PIK3R5: variants seen among roughly 807,000 people sequenced by gnomAD.
PIK3R5 encodes phosphoinositide-3-kinase regulatory subunit 5.
PIK3R5 carries 32 observed loss-of-function variants against 94.9 expected under a neutral mutation model. That is an observed-to-expected ratio of 0.34 (90% confidence interval 0.25 to 0.45). PIK3R5 has a LOEUF of 0.45. Ranked by LOEUF, PIK3R5 falls within the 20% of genes least tolerant of loss-of-function variation. PIK3R5 has a pLI of 1.00. For missense variants in PIK3R5, 853 were observed against 1,144.6 expected (o/e 0.75, Z 3.68); for synonymous variants, 443 against 479.4 (o/e 0.92, Z 0.99).
chr17:8,942,691 C>T lies in PIK3R5; in HGVS notation c.-14+22905G>A, dbSNP rs201431788. Among the ~76,000 whole-genome samples the T allele has an allele frequency of 3.2e-4, 49 of 151,624 alleles. No homozygotes were observed. In the East Asian group the frequency reaches 3.3e-3, roughly 10 times the overall value. On this transcript the variant is annotated intron_variant, in intron 1 of 18. Transcript: ENST00000447110. ...TGCGATCTCTGCTCACTGCAAGCTC[C>T]GCCTCCCGGGTTCACGCCATTCTCC...
chr17:8,928,861 C>T (rs1041510321), intron 1 of PIK3R5, among the ~76,000 whole-genome samples: 1 of 152,132 alleles, frequency 6.6e-6, no homozygotes, highest in African/African-American at 2.4e-5. Flanking sequence ...AATAGATTTT[C>T]CTTCTCCTCT....
At chr17:8,922,872 G>A (rs781652888) in intron 1 of PIK3R5, among the ~76,000 whole-genome samples, 1 of 152,120 alleles carries the variant, frequency 6.6e-6, no homozygotes, top group African/African-American at 2.4e-5. Flanking sequence ...TCCAGGGAAG[G>A]CAGAAGATGA....
At chr17:8,958,742 CT>C (rs1246769375) in intron 1 of PIK3R5, among the ~76,000 whole-genome samples, 5 of 150,246 alleles carry the variant, frequency 3.3e-5, no homozygotes, top group South Asian at 2.1e-4. Flanking sequence ...CCACAGACAC[CT>C]TTTTTTTTCT....
At position 8,890,533 on chromosome 17, in the gene PIK3R5, C is replaced by A. The variant is rs911003973; in HGVS notation, c.657+205G>T. Among the ~76,000 whole-genome samples the A allele has an allele frequency of 6.6e-6, 1 of 152,248 alleles. No individual in the cohort carries two copies. The highest frequency in any genetic ancestry group is 1.5e-5 in the Non-Finnish European group (1 of 68,036). The stretch of plus-strand genomic sequence containing the variant: ...CACCAGTTATCAGCACCCAGTCCTA[C>A]TGCCCAGGCTGCCACCCAGCTGGTT... On this transcript the variant is annotated intron_variant, in intron 7 of 18. Coordinates refer to ENST00000447110, the MANE Select transcript of PIK3R5 (RefSeq NM_001142633.3). The surrounding 1 kb of genome is among the most constrained non-coding windows in gnomAD (Gnocchi z 6.1).
At chr17:8,886,713 T>G in intron 12 of PIK3R5, 108 bp from the exon 13 acceptor site, 1 of 1,274,416 alleles carries the variant, frequency 7.8e-7, no homozygotes, top group Non-Finnish European at 1.1e-6. Flanking sequence ...AGGCAGCCAG[T>G]CAGGGGGAGC....
chr17:8,905,473 C>T (rs933931398), intron 4 of PIK3R5, among the ~76,000 whole-genome samples, 196 bp downstream of exon 4: 18 of 152,084 alleles, frequency 1.2e-4, no homozygotes, highest in Admixed American at 1.2e-3. Context: ...GGCACCATGG[C>T]GGCCACATGG....
rs1318913043 is a variant in PIK3R5 at position 8,952,707 on chromosome 17, AT to A, written c.-14+12888del. On this transcript the variant is annotated intron_variant, in intron 1 of 18. Transcript: ENST00000447110. The stretch of plus-strand genomic sequence containing the variant: ...AATAAATTATGGGCATTATTACAAA[AT>A]TTTTTCTCCTTAAACAAGGTCAGAT... 3.3e-5 allele frequency among the ~76,000 whole-genome samples: 5 copies of A among 152,194 alleles called. No individual in the cohort carries two copies. The East Asian group carries it at 5.8e-4, about 18-fold the overall frequency.
In PIK3R5 at chr17:8,888,683, C is replaced by A. The variant is rs761030475; in HGVS notation, c.1104G>T (p.Gly368=). Residue 368 remains glycine (G), a synonymous_variant, in exon 10 of 19, where the codon GGG becomes GGT. Coordinates refer to ENST00000447110, the MANE Select transcript of PIK3R5 (RefSeq NM_001142633.3). The surrounding 1 kb of genome is among the most constrained non-coding windows in gnomAD (Gnocchi z 7.8). ...TLSLASSQAS[G]PALSRHLLTS... is the part of the protein sequence containing the mutation. The stretch of plus-strand genomic sequence containing the variant: ...TCAGCAGATGGCGCGAGAGGGCCGG[C>A]CCCGAGGCCTGGGAGGATGCAAGGG... 1 of 1,613,804 alleles carries A rather than the reference C, an allele frequency of 6.2e-7. No individual in the cohort carries two copies. Among genetic ancestry groups the A allele is most frequent in the Non-Finnish European group, 8.5e-7 (1 of 1,180,028 alleles).
chr17:8,920,618 G>C (rs1480248152), intron 1 of PIK3R5, among the ~76,000 whole-genome samples: 1 of 152,134 alleles, frequency 6.6e-6, no homozygotes, highest in Non-Finnish European at 1.5e-5. Context: ...AGAGTTATTG[G>C]TCTGTTCAGG....
At chr17:8,959,419 CTGTG>C (rs34656716) in intron 1 of PIK3R5, among the ~76,000 whole-genome samples, 34 of 150,602 alleles carry the variant, frequency 2.3e-4, no homozygotes, top group East Asian at 2.1e-3. Flanking sequence ...GCGAGAGAGA[CTGTG>C]TGTGTGTGTG....
chr17:8,880,395 CCTTCTA>C lies in PIK3R5; in HGVS notation c.*238_*243del. On this transcript the variant is annotated 3_prime_UTR_variant, in exon 19 of 19. Transcript: ENST00000447110. Reference sequence around the variant, plus strand: ...CAGAGGTCAATTTACCCATCCTTCTCCTTCTACTGCCAGGAATCTAAGAGGCTATGG... The same window carrying C: ...CAGAGGTCAATTTACCCATCCTTCTCCTGCCAGGAATCTAAGAGGCTATGG... 2.4e-6 allele frequency: 1 copy of C among 419,220 alleles called. No individual in the cohort carries two copies. The allele number at this position is 419,220 out of a possible 1,614,324, so 26.0% of individuals were successfully genotyped here. A position where few individuals can be genotyped will look rare whatever the true frequency, so the allele number is the denominator to read the frequency against.
rs781227561 is a variant in PIK3R5, at chr17:8,911,539, C to G, written c.-13-32G>C. On this transcript the variant is annotated intron_variant, in intron 1 of 18. Transcript: ENST00000447110. The surrounding 1 kb of genome is among the most constrained non-coding windows in gnomAD (Gnocchi z 5.3). ...GGGGGACAGACGCCGGTCAGCTTGT[C>G]GAGCTCCTTTCCCAGAGAGCACCTG... is the stretch of plus-strand genomic sequence containing the variant. The G allele has an allele frequency of 5.5e-6, 8 of 1,448,242 alleles. No homozygotes were observed. The South Asian group carries it at 8.2e-5, about 15-fold the overall frequency. 89.7% of individuals were successfully genotyped at this position (1,448,242 alleles called of 1,614,324 possible).
intron 5 of PIK3R5, among the ~76,000 whole-genome samples, chr17:8,901,628 T>C (rs1329935369): frequency 6.6e-6 from 1 of 152,198 alleles, no homozygotes; most frequent in Non-Finnish European, 1.5e-5. Flanking sequence ...AATTAAACGC[T>C]GCCAGTACTA....
At chr17:8,921,138 G>T (rs9652823) in intron 1 of PIK3R5, among the ~76,000 whole-genome samples, 5,986 of 152,154 alleles carry the variant, frequency 0.039, 175 homozygotes, top group Non-Finnish European at 0.055. Context: ...ACTGCACCCG[G>T]CCTGTATTAA....
chr17:8,889,118 A>AG lies in PIK3R5; in HGVS notation c.895+20_895+21insC, dbSNP rs2089959188. The AG allele has an allele frequency of 1.2e-6, 2 of 1,608,906 alleles. No homozygotes were observed. Among genetic ancestry groups the AG allele is most frequent in the South Asian group, 2.2e-5 (2 of 90,570 alleles). On this transcript the variant is annotated intron_variant, in intron 9 of 18. Transcript: ENST00000447110. This position sits in a 1 kb window ranked among gnomAD's most constrained non-coding sequence, Gnocchi z 4.1. ...TCAGGCAGTGTGGGGCATGGGTGTC[A>AG]CCAGGGCCCCGGCTCCTTACCAAAG...
chr17:8,954,923 G>A (rs2091441283), intron 1 of PIK3R5, among the ~76,000 whole-genome samples: 1 of 125,826 alleles, frequency 7.9e-6, no homozygotes, highest in Non-Finnish European at 1.6e-5. Flanking sequence ...GGCAACAGGA[G>A]CAAAACTCCG....
rs1249132832 is a variant in PIK3R5, at chr17:8,882,648, C to CGG, written c.2206-768_2206-767insCC. 6.6e-6 allele frequency: 1 copy of CGG among 152,442 alleles called. No individual in the cohort carries two copies. Among genetic ancestry groups the CGG allele is most frequent in the African/African-American group, 2.4e-5 (1 of 41,434 alleles). 9.4% of individuals were successfully genotyped at this position (152,442 alleles called of 1,614,324 possible). A position where few individuals can be genotyped will look rare whatever the true frequency, so the allele number is the denominator to read the frequency against. On this transcript the variant is annotated intron_variant, in intron 15 of 18. Transcript: ENST00000447110. This position sits in a 1 kb window ranked among gnomAD's most constrained non-coding sequence, Gnocchi z 4.1. ...CCTTATACCTCTCAAGGCCTCTCAA[C>CGG]CTCAATAATATGTCCCGACCCAAAC...
rs2089778161 is a variant in PIK3R5, at chr17:8,884,964, A to G, written c.2129-181T>C. ...CTGGCTCCACGTTCTGGGGATCTCC[A>G]CCTCCTCAGTGACCCCATCACTCCA... On this transcript the variant is annotated intron_variant, in intron 14 of 18. Transcript: ENST00000447110. This position sits in a 1 kb window ranked among gnomAD's most constrained non-coding sequence, Gnocchi z 5.8. 1 of 599,494 alleles carries G rather than the reference A, an allele frequency of 1.7e-6. No homozygotes were observed. Among genetic ancestry groups the G allele is most frequent in the Admixed American group, 2.6e-5 (1 of 38,534 alleles). The allele number at this position is 599,494 out of a possible 1,614,324, so 37.1% of individuals were successfully genotyped here.
chr17:8,883,132 A>C (rs2089721091), intron 15 of PIK3R5, among the ~76,000 whole-genome samples: 1 of 152,182 alleles, frequency 6.6e-6, no homozygotes, highest in South Asian at 2.1e-4. Flanking sequence ...CACTTTGGGA[A>C]GCCAAGGCAG....
Sources: allele counts gnomAD v4.1 joint callset (sites outside exome capture counted in the v4.1 genomes callset), GRCh38; gene constraint gnomAD v4.1.1; non-coding constraint Gnocchi (gnomAD v3.1); transcripts MANE v1.5; gene names NCBI Gene and HGNC (gene_info 2026-07-23, HGNC 2026-07-21).